The following PSAP variants were observed in gnomAD, a reference collection of about 807,000 sequenced individuals.
PSAP encodes the protein prosaposin, also known as precursor of saposins.
PSAP carries 25 observed loss-of-function variants against 66.0 expected under a neutral mutation model. That is an observed-to-expected ratio of 0.38 (90% CI 0.28 to 0.53). The LOEUF is 0.53. PSAP is among the 20% of genes least tolerant of loss of function. The pLI, the probability that PSAP is intolerant of heterozygous loss-of-function variation, is 0.83. For missense variants in PSAP, 649 were observed against 668.8 expected, an observed-to-expected ratio of 0.97 and a Z score of 0.33; for synonymous variants, 273 against 258.9, an observed-to-expected ratio of 1.05 and a Z score of -0.52.
At chr10:71,818,240 C>T (rs1842214790) in intron 13 of PSAP, among the ~76,000 whole-genome samples, 1 of 152,206 alleles carries the variant, frequency 6.6e-6, no homozygotes, top group Non-Finnish European at 1.5e-5. Flanking sequence ...CAAGGGCAAA[C>T]ATGTTCCCGG....
intron 1 of PSAP, among the ~76,000 whole-genome samples, chr10:71,835,964 G>A (rs1295616995): frequency 2.0e-5 from 3 of 152,064 alleles, no homozygotes; most frequent in African/African-American, 4.8e-5. Context: ...GTATAGGTCA[G>A]TACGTGTTCT....
chr10:71,849,478 G>T (rs1028104606), intron 1 of PSAP, among the ~76,000 whole-genome samples: 1 of 152,162 alleles, frequency 6.6e-6, no homozygotes, highest in African/African-American at 2.4e-5. Flanking sequence ...TCTCACGCCT[G>T]TAATCCCAGA....
chr10:71,834,523 G>T lies in PSAP; in HGVS notation c.41-18C>A, dbSNP rs970529644. On this transcript the variant is annotated intron_variant, in intron 1 of 13. Transcript: ENST00000394936. Reference sequence around the variant, plus strand: ...GGCTAGAGCTAAAATGAAAACCAACGTGAGGAGGTGGCCCATTTTGTAGCA... The same window carrying T: ...GGCTAGAGCTAAAATGAAAACCAACTTGAGGAGGTGGCCCATTTTGTAGCA... The T allele has an allele frequency of 3.1e-6, 5 of 1,612,746 alleles. No individual in the cohort carries two copies. Among genetic ancestry groups the T allele is most frequent in the Non-Finnish European group, 4.2e-6 (5 of 1,179,606 alleles).
At chr10:71,845,927 A>G (rs1842814063) in intron 1 of PSAP, among the ~76,000 whole-genome samples, 1 of 152,200 alleles carries the variant, frequency 6.6e-6, no homozygotes, top group Non-Finnish European at 1.5e-5. Flanking sequence ...AATTATACCC[A>G]GCATGTATGT....
chr10:71,818,474 T>G, intron 13 of PSAP, 143 bp downstream of exon 13: 1 of 809,114 alleles, frequency 1.2e-6, no homozygotes, highest in Non-Finnish European at 2.2e-6. Context: ...TGAGTAAGCC[T>G]AACCACCTCT....
chr10:71,834,295 A>G, intron 2 of PSAP, 77 bp downstream of exon 2: 1 of 1,603,366 alleles, frequency 6.2e-7, no homozygotes. Context: ...CTCTGTCAAT[A>G]TGGCAGTGAG....
chr10:71,819,836 C>A lies in PSAP; in HGVS notation c.1070G>T (p.Cys357Phe). ...SKLPKSLSEE[C>F]QEVVDTYGSS... ...GCCGTACGTGTCCACCACCTCCTGG[C>A]ACTCTTCCGACAGGGACTTCGGCAG... Residue 357 changes from cysteine (C) to phenylalanine (F), a missense_variant, in exon 10 of 14, where the codon TGC becomes TTC. Cys to Phe is a radical substitution (Grantham distance 205, BLOSUM62 -2). Transcript: ENST00000394936. 1.2e-6 allele frequency: 2 copies of A among 1,614,180 alleles called. No individual in the cohort carries two copies. Among genetic ancestry groups the A allele is most frequent in the Non-Finnish European group, 1.7e-6 (2 of 1,180,026 alleles).
At chr10:71,839,164 T>C (rs1030056092) in intron 1 of PSAP, among the ~76,000 whole-genome samples, 1 of 127,488 alleles carries the variant, frequency 7.8e-6, no homozygotes, top group Non-Finnish European at 1.9e-5. Flanking sequence ...CATAAAGACA[T>C]GAACAGCACT....
chr10:71,837,212 G>A (rs1181354681), intron 1 of PSAP, among the ~76,000 whole-genome samples: 1 of 152,130 alleles, frequency 6.6e-6, no homozygotes, highest in Non-Finnish European at 1.5e-5. Flanking sequence ...AAACATAAAG[G>A]TGCATGTTAC....
At chr10:71,822,689 A>G (rs1456922657) in intron 7 of PSAP, 1 of 471,460 alleles carries the variant, frequency 2.1e-6, no homozygotes, top group East Asian at 6.9e-5. Context: ...CAAGAGTGAG[A>G]CAAGTGTATA....
Position 71,831,356 on chromosome 10 carries a change from G to C in PSAP, c.250-105C>G. ...ATAGCTCCCAGAAAAACCAAGCCTGGAAAACAGCCAGCCCTCAGGGAAAAG... is the reference window on the plus strand; with the variant it reads ...ATAGCTCCCAGAAAAACCAAGCCTGCAAAACAGCCAGCCCTCAGGGAAAAG... On this transcript the variant is annotated intron_variant, in intron 3 of 13. Transcript: ENST00000394936. 1.4e-6 allele frequency: 2 copies of C among 1,452,504 alleles called. 1 individual carries two copies. Among genetic ancestry groups the C allele is most frequent in the African/African-American group, 2.8e-5 (2 of 71,744 alleles). 90.0% of individuals were successfully genotyped at this position (1,452,504 alleles called of 1,614,324 possible).
At chr10:71,820,386 T>C in intron 8 of PSAP, 51 bp from the exon 9 acceptor site, 1 of 1,497,230 alleles carries the variant, frequency 6.7e-7, no homozygotes, top group Non-Finnish European at 9.3e-7. Flanking sequence ...CTCACAGCCC[T>C]TGGTCTTGCT....
In PSAP at chr10:71,851,162, A is replaced by T; in HGVS notation, c.40+20T>A. The T allele has an allele frequency of 6.4e-7, 1 of 1,550,802 alleles. No homozygotes were observed. Among genetic ancestry groups the T allele is most frequent in the Non-Finnish European group, 8.7e-7 (1 of 1,146,770 alleles). On this transcript the variant is annotated intron_variant, in intron 1 of 13. Coordinates refer to ENST00000394936, the MANE Select transcript of PSAP (RefSeq NM_002778.4). ...CGCTGCGAGGCACCTCCTCCCCAGG[A>T]TGAGGGTCCCAGGGCTTACCCGCGC...
intron 8 of PSAP, among the ~76,000 whole-genome samples, chr10:71,820,609 T>C (rs1842281674): frequency 7.3e-6 from 1 of 137,142 alleles, no homozygotes; most frequent in African/African-American, 2.7e-5. Flanking sequence ...AGAAAGTCCC[T>C]TCCCCACCCC....
intron 1 of PSAP, among the ~76,000 whole-genome samples, chr10:71,839,261 CAG>C (rs1192311812): frequency 6.6e-5 from 10 of 152,042 alleles, no homozygotes; most frequent in Admixed American, 4.6e-4. Flanking sequence ...TCTTTTGAGA[CAG>C]AGTCTTGCTC....
intron 6 of PSAP, among the ~76,000 whole-genome samples, chr10:71,826,894 AT>A (rs1423951582): frequency 3.3e-5 from 5 of 152,174 alleles, no homozygotes; most frequent in Non-Finnish European, 7.3e-5. Flanking sequence ...TAAAAATGGC[AT>A]TTTGGTTTTA....
At position 71,816,960 on chromosome 10, in the gene PSAP, T is replaced by C; in HGVS notation, c.*481A>G. 1 of 209,524 alleles carries C rather than the reference T, an allele frequency of 4.8e-6. No homozygotes were observed. Among genetic ancestry groups the C allele is most frequent in the South Asian group, 7.6e-5 (1 of 13,240 alleles). The allele number at this position is 209,524 out of a possible 1,614,324, so 13.0% of individuals were successfully genotyped here. A position where few individuals can be genotyped will look rare whatever the true frequency, so the allele number is the denominator to read the frequency against. On this transcript the variant is annotated 3_prime_UTR_variant, in exon 14 of 14. Coordinates refer to ENST00000394936, the MANE Select transcript of PSAP (RefSeq NM_002778.4). The stretch of plus-strand genomic sequence containing the variant: ...TATTCCAGGCTTCTAATCTTTCATA[T>C]AAAACTGCCTTTGTTTTGCTGCTTT...
intron 13 of PSAP, among the ~76,000 whole-genome samples, chr10:71,818,139 T>TGCCAG (rs1023933211): frequency 3.9e-5 from 6 of 152,360 alleles, no homozygotes; most frequent in Admixed American, 6.5e-5. Context: ...AACTGGTGGC[T>TGCCAG]GCCAGGCCAG....
At chr10:71,849,272 G>A (rs1300833184) in intron 1 of PSAP, among the ~76,000 whole-genome samples, 1 of 152,178 alleles carries the variant, frequency 6.6e-6, no homozygotes, top group East Asian at 1.9e-4. Flanking sequence ...ACAAATTTAA[G>A]AGCTTCGTAT....
Sources: allele counts gnomAD v4.1 joint callset (sites outside exome capture counted in the v4.1 genomes callset), GRCh38; gene constraint gnomAD v4.1.1; transcripts MANE v1.5; gene names NCBI Gene and HGNC (gene_info 2026-07-23, HGNC 2026-07-21).